Variants in DNAI3 observed in about 807,000 individuals in gnomAD.
The protein encoded by DNAI3 is dynein axonemal intermediate chain 3, also known as WD repeat domain 63.
In DNAI3, 83 loss-of-function variants were observed where a neutral mutation model predicts 115.5. That is an observed-to-expected ratio of 0.72 (90% CI 0.60 to 0.86). The LOEUF is 0.86. Ranked by LOEUF, DNAI3 falls within the 40% of genes least tolerant of loss-of-function variation. DNAI3 has a pLI of 0.00. For missense variants in DNAI3, 1,004 were observed against 1,075.8 expected, an observed-to-expected ratio of 0.93 and a Z score of 0.93; for synonymous variants, 320 against 347.0, an observed-to-expected ratio of 0.92 and a Z score of 0.86.
At chr1:85,095,647 C>A (rs1294220038) in intron 10 of DNAI3, among the ~76,000 whole-genome samples, 1 of 152,182 alleles carries the variant, frequency 6.6e-6, no homozygotes, top group Non-Finnish European at 1.5e-5. Flanking sequence ...AACATTGTAA[C>A]ATGCTCCCAA....
chr1:85,096,637 CA>C (rs1302705174), intron 11 of DNAI3, among the ~76,000 whole-genome samples: 12 of 151,954 alleles, frequency 7.9e-5, no homozygotes, highest in African/African-American at 2.2e-4. Flanking sequence ...TGAAGCAAAA[CA>C]ATCATAAAGC....
Position 85,082,199 on chromosome 1 carries a change from C to T in DNAI3, c.286-101C>T, listed in dbSNP as rs1654652255. The T allele has an allele frequency of 3.3e-6, 3 of 897,042 alleles. No homozygotes were observed. In the East Asian group the frequency reaches 7.9e-5, roughly 24 times the overall value. The allele number at this position is 897,042 out of a possible 1,614,324, so 55.6% of individuals were successfully genotyped here. On this transcript the variant is annotated intron_variant, in intron 4 of 22. Coordinates refer to ENST00000294664, the MANE Select transcript of DNAI3 (RefSeq NM_145172.5). ...CATAGATTAGCACAATGGTTATCTT[C>T]TATAATTGGTTGATTAGCGAAATGT...
chr1:85,080,491 T>A (rs568328493), intron 3 of DNAI3, among the ~76,000 whole-genome samples: 111 of 152,300 alleles, frequency 7.3e-4, no homozygotes, highest in Admixed American at 1.2e-3. Flanking sequence ...AGAAAGGTGG[T>A]GCCCATTTTG....
chr1:85,104,152 G>C (rs1305520435), intron 13 of DNAI3, among the ~76,000 whole-genome samples: 5 of 137,504 alleles, frequency 3.6e-5, no homozygotes, highest in Non-Finnish European at 7.6e-5. Flanking sequence ...CTGGAGTCTC[G>C]CTCTGTCGCC....
At chr1:85,080,512 G>A (rs971869678) in intron 3 of DNAI3, among the ~76,000 whole-genome samples, 4 of 152,132 alleles carry the variant, frequency 2.6e-5, no homozygotes, top group African/African-American at 9.7e-5. Flanking sequence ...ATTAGCAGGT[G>A]GGCAGGGCTG....
In DNAI3 at chr1:85,076,259, T is replaced by C. The variant is rs1014282715; in HGVS notation, c.103+3167T>C. On this transcript the variant is annotated intron_variant, in intron 3 of 22. Coordinates refer to ENST00000294664, the MANE Select transcript of DNAI3 (RefSeq NM_145172.5). Reference sequence around the variant, plus strand: ...GCCCCTTGGGATTACACTGGGCCAATGTCAAAGGCCCAGTCATCTCCCCAC... The same window carrying C: ...GCCCCTTGGGATTACACTGGGCCAACGTCAAAGGCCCAGTCATCTCCCCAC... Among the ~76,000 whole-genome samples the C allele has an allele frequency of 2.3e-4, 35 of 152,280 alleles. 1 individual carries two copies. Among genetic ancestry groups the C allele is most frequent in the African/African-American group, 8.2e-4 (34 of 41,554 alleles).
At chr1:85,103,977 ATC>A (rs1655408804) in intron 13 of DNAI3, among the ~76,000 whole-genome samples, 1 of 150,174 alleles carries the variant, frequency 6.7e-6, no homozygotes, top group East Asian at 1.9e-4. Flanking sequence ...GGAGGGAAAA[ATC>A]TCAGTATAAA....
intron 6 of DNAI3, among the ~76,000 whole-genome samples, chr1:85,084,975 G>T (rs1654755529): frequency 6.6e-6 from 1 of 152,160 alleles, no homozygotes; most frequent in Admixed American, 6.5e-5. Context: ...TTTAAGATGA[G>T]GTCATACTGG....
chr1:85,092,042 C>T (rs1014874650), intron 8 of DNAI3, among the ~76,000 whole-genome samples: 4 of 152,100 alleles, frequency 2.6e-5, no homozygotes, highest in Admixed American at 6.5e-5. Flanking sequence ...GTTTAAGCCT[C>T]GAGAGTCCGC....
At position 85,093,575 on chromosome 1, in the gene DNAI3, C is replaced by T; in HGVS notation, c.975C>T (p.Tyr325=). 8 of 1,614,142 alleles carry T rather than the reference C, an allele frequency of 5.0e-6. No individual in the cohort carries two copies. The highest frequency in any genetic ancestry group is 6.8e-6 in the Non-Finnish European group (8 of 1,180,030). The stretch of plus-strand genomic sequence containing the variant: ...AGACCGATACCCACCTGAAAGAGTA[C>T]CAGTCCTTTACCGACCTTCATAGCC... The part of the protein sequence containing the change: ...GDKTDTHLKE[Y]QSFTDLHSPT... The change falls in exon 9 of 23, where the codon TAC becomes TAT. Residue 325 remains tyrosine, a synonymous_variant. Transcript: ENST00000294664.
chr1:85,124,680 G>A (rs1362205238), intron 19 of DNAI3, among the ~76,000 whole-genome samples: 3 of 152,100 alleles, frequency 2.0e-5, no homozygotes, highest in South Asian at 2.1e-4. Flanking sequence ...ACAGGTGTAC[G>A]CCACCAAGCC....
In DNAI3 at chr1:85,110,124, GC is replaced by G; in HGVS notation, c.1776del (p.Cys592Ter). ...AGCCTGAATGAAGACCATCTTCTTT[GC>G]AAAACACAAGGTAACTGCCTTTGCT... ...KISLNEDHLL[C>X]KTQDKMLAQS... is the part of the protein sequence containing the mutation. On this transcript the variant is annotated frameshift_variant, in exon 16 of 23. Coordinates refer to ENST00000294664, the MANE Select transcript of DNAI3 (RefSeq NM_145172.5). LOFTEE classifies it high-confidence loss of function. 1 of 1,609,450 alleles carries G rather than the reference GC, an allele frequency of 6.2e-7. No homozygotes were observed. The highest frequency in any genetic ancestry group is 8.5e-7 in the Non-Finnish European group (1 of 1,177,818).
intron 14 of DNAI3, among the ~76,000 whole-genome samples, chr1:85,106,933 A>T (rs546991883): frequency 7.2e-5 from 11 of 152,354 alleles, no homozygotes; most frequent in African/African-American, 2.2e-4. Flanking sequence ...CTCTTAGAAG[A>T]AAACATAGTC....
intron 16 of DNAI3, among the ~76,000 whole-genome samples, chr1:85,113,420 AT>A (rs1242983904): frequency 1.3e-5 from 2 of 152,100 alleles, no homozygotes; most frequent in African/African-American, 4.8e-5. Flanking sequence ...ATCAAAGTTC[AT>A]TTTTTTGTGT....
In DNAI3 at chr1:85,094,553, C is replaced by A. The variant is rs760381604; in HGVS notation, c.1171C>A (p.Gln391Lys). 4.3e-6 allele frequency: 7 copies of A among 1,613,842 alleles called. No individual in the cohort carries two copies. Among genetic ancestry groups the A allele is most frequent in the Non-Finnish European group, 4.2e-6 (5 of 1,179,972 alleles). Residue 391 changes from glutamine to lysine, a missense_variant and splice_region_variant, in exon 10 of 23, where the codon CAG (glutamine) becomes AAG (lysine). This residue lies in a region of DNAI3 where 550 missense variants were observed against 568.1 expected (regional missense o/e 0.97). Coordinates refer to ENST00000294664, the MANE Select transcript of DNAI3 (RefSeq NM_145172.5). ...GAGCTTCTCTGATCCTATACATCCT[C>A]AGGTAATTAGGGAGAGTTGCCTACA... ...FWSFSDPIHP[Q>K]LMLESPDDIF...
At chr1:85,063,194 G>A (rs1653988637) in intron 1 of DNAI3, among the ~76,000 whole-genome samples, 3 of 152,130 alleles carry the variant, frequency 2.0e-5, no homozygotes, top group African/African-American at 7.2e-5. Flanking sequence ...AAAGTGTCAG[G>A]GAGAACAAGA....
chr1:85,110,351 T>C (rs1376299798), intron 16 of DNAI3, among the ~76,000 whole-genome samples: 1 of 151,512 alleles, frequency 6.6e-6, no homozygotes, highest in East Asian at 1.9e-4. Context: ...TCCCGGAGGC[T>C]GAGGCAGGAG....
chr1:85,090,174 A>G lies in DNAI3; in HGVS notation c.799A>G (p.Lys267Glu), dbSNP rs1395715869. The G allele has an allele frequency of 3.1e-6, 5 of 1,595,432 alleles. No homozygotes were observed. Among genetic ancestry groups the G allele is most frequent in the Non-Finnish European group, 4.3e-6 (5 of 1,172,400 alleles). The change falls in exon 8 of 23, where the codon AAA becomes GAA. Residue 267 changes from lysine to glutamate, a missense_variant. By Grantham distance (56) the Lys-to-Glu change is moderately conservative (BLOSUM62 1). Transcript: ENST00000294664. ...TCCAAGAGAATTCTCAGAAGAGGAA[A>G]AAGAGACACTCAAACAATCAAAGCC... ...YYPREFSEEE[K>E]ETLKQSKPLV...
At chr1:85,131,486 A>G (rs1323420161) in intron 22 of DNAI3, among the ~76,000 whole-genome samples, 1 of 150,064 alleles carries the variant, frequency 6.7e-6, no homozygotes, top group Non-Finnish European at 1.5e-5. Context: ...ATGTGGAAAT[A>G]TTGTAATGTG....
Sources: allele counts gnomAD v4.1 joint callset (sites outside exome capture counted in the v4.1 genomes callset), GRCh38; gene constraint gnomAD v4.1.1; regional missense constraint gnomAD v4.1.1; transcripts MANE v1.5; gene names NCBI Gene and HGNC (gene_info 2026-07-23, HGNC 2026-07-21).